Variants in AOAH observed in about 807,000 individuals in gnomAD.
AOAH encodes acyloxyacyl hydrolase (neutrophil).
Under a neutral mutation model 92.2 loss-of-function variants are expected in AOAH, and 64 were observed. The observed-to-expected ratio is 0.69, with a 90% CI of 0.57 to 0.86. The LOEUF is 0.86. AOAH is among the 40% of genes least tolerant of loss of function. The pLI, the probability that AOAH is intolerant of heterozygous loss-of-function variation, is 0.00. For missense variants in AOAH, 656 were observed against 694.6 expected, an observed-to-expected ratio of 0.94 and a Z score of 0.62; for synonymous variants, 263 against 254.5, an observed-to-expected ratio of 1.03 and a Z score of -0.32.
intron 11 of AOAH, among the ~76,000 whole-genome samples, chr7:36,596,322 T>C (rs1168501509): frequency 6.6e-6 from 1 of 152,242 alleles, no homozygotes; most frequent in Non-Finnish European, 1.5e-5. Flanking sequence ...AGATAGAGAA[T>C]GAGCACTCAA....
intron 20 of AOAH, 75 bp downstream of exon 20, chr7:36,521,964 A>G (rs1784126801): frequency 1.6e-6 from 2 of 1,242,986 alleles, no homozygotes; most frequent in Non-Finnish European, 2.4e-6. Context: ...AAATAAACAC[A>G]TGAATGTGTA....
chr7:36,671,649 TTGTG>T (rs34363257), intron 3 of AOAH, among the ~76,000 whole-genome samples: 6 of 149,388 alleles, frequency 4.0e-5, no homozygotes, highest in East Asian at 3.9e-4. Context: ...GTGCACGTGT[TTGTG>T]TGTGTGTGTG....
At chr7:36,652,395 G>A (rs1794631324) in intron 4 of AOAH, among the ~76,000 whole-genome samples, 1 of 152,210 alleles carries the variant, frequency 6.6e-6, no homozygotes, top group Non-Finnish European at 1.5e-5. Context: ...AATTAGGGAG[G>A]AGAGAGATGT....
intron 11 of AOAH, among the ~76,000 whole-genome samples, chr7:36,599,018 G>A (rs1437217709): frequency 6.6e-6 from 1 of 152,176 alleles, no homozygotes; most frequent in African/African-American, 2.4e-5. Flanking sequence ...AACTTAAAGA[G>A]CGTGAGCAAC....
At chr7:36,689,583 A>G (rs1273984387) in intron 1 of AOAH, among the ~76,000 whole-genome samples, 1 of 152,174 alleles carries the variant, frequency 6.6e-6, no homozygotes, top group Admixed American at 6.5e-5. Context: ...GAAGCTCACA[A>G]TGAACTTCCA....
At chr7:36,639,404 A>AAAT (rs1208797522) in intron 4 of AOAH, among the ~76,000 whole-genome samples, 1 of 152,190 alleles carries the variant, frequency 6.6e-6, no homozygotes, top group Non-Finnish European at 1.5e-5. Context: ...TCTGTCTCAG[A>AAAT]AATAGTCCTT....
At chr7:36,590,122 T>TA (rs953360147) in intron 12 of AOAH, among the ~76,000 whole-genome samples, 8 of 151,324 alleles carry the variant, frequency 5.3e-5, no homozygotes, top group East Asian at 1.9e-4. Flanking sequence ...CCAGGCTAAT[T>TA]AAAAAAAAAT....
intron 11 of AOAH, chr7:36,599,749 T>G (rs537922756): frequency 7.9e-5 from 12 of 152,240 alleles, no homozygotes; most frequent in African/African-American, 2.7e-4. Context: ...CTGCTTAGCG[T>G]TGGAACCATG....
At chr7:36,707,244 G>C (rs1275380751) in intron 1 of AOAH, among the ~76,000 whole-genome samples, 1 of 151,968 alleles carries the variant, frequency 6.6e-6, no homozygotes, top group African/African-American at 2.4e-5. Flanking sequence ...CAGGGAATAG[G>C]GAGGGCAATG....
chr7:36,643,032 A>T (rs1338539808), intron 4 of AOAH, among the ~76,000 whole-genome samples: 1 of 152,256 alleles, frequency 6.6e-6, no homozygotes, highest in Admixed American at 6.5e-5. Flanking sequence ...TAAGCATGAC[A>T]TTAGTATTAA....
At chr7:36,686,501 A>G (rs115008551) in intron 2 of AOAH, among the ~76,000 whole-genome samples, 198 bp downstream of exon 2, 1,819 of 152,146 alleles carry the variant, frequency 0.012, 43 homozygotes, top group African/African-American at 0.042. Context: ...CATGATGGAA[A>G]ATGAATGTCA....
intron 1 of AOAH, among the ~76,000 whole-genome samples, chr7:36,717,952 A>T (rs150859441): frequency 4.6e-5 from 7 of 152,108 alleles, no homozygotes; most frequent in Non-Finnish European, 2.9e-5. Context: ...AAAAAAATAG[A>T]TACACTGGAC....
In AOAH at chr7:36,549,446, T is replaced by C. The variant is rs771656372; in HGVS notation, c.1051A>G (p.Ile351Val). ...TTCTTATCTTCTGCTTACCTTTCTA[T>C]AAATTTCTTCAGGTTTCGGGAAGAT... ...GASSRNLKKFIESLSRNKVLD... is the reference protein window; with the variant it reads ...GASSRNLKKFVESLSRNKVLD... The change falls in exon 14 of 21, where the codon ATA (isoleucine) becomes GTA (valine). Residue 351 changes from isoleucine to valine, a missense_variant. Physicochemically the swap from Ile to Val is conservative, Grantham distance 29 (BLOSUM62 3). Transcript: ENST00000617537. 1.3e-6 allele frequency: 2 copies of C among 1,596,082 alleles called. No homozygotes were observed. The highest frequency in any genetic ancestry group is 1.3e-5 in the African/African-American group (1 of 74,480).
At chr7:36,574,786 G>GA (rs1455750871) in intron 13 of AOAH, among the ~76,000 whole-genome samples, 1 of 152,064 alleles carries the variant, frequency 6.6e-6, no homozygotes, top group Non-Finnish European at 1.5e-5. Flanking sequence ...AAATGAAAGC[G>GA]ATCACTCGTA....
chr7:36,537,671 A>C (rs901877595), intron 16 of AOAH, among the ~76,000 whole-genome samples: 2 of 152,078 alleles, frequency 1.3e-5, no homozygotes, highest in Non-Finnish European at 2.9e-5. Context: ...GGCACCTGCC[A>C]CCACGCCCAG....
intron 11 of AOAH, among the ~76,000 whole-genome samples, chr7:36,604,047 C>T (rs376294372): frequency 1.3e-5 from 2 of 152,284 alleles, no homozygotes; most frequent in Non-Finnish European, 1.5e-5. Context: ...TGGTGAAGGC[C>T]TCTGCTTCGT....
chr7:36,532,123 T>C (rs1187840436), intron 18 of AOAH, 24 bp downstream of exon 18: 18 of 1,613,586 alleles, frequency 1.1e-5, no homozygotes, highest in Non-Finnish European at 1.4e-5. Flanking sequence ...AAAGATGGTA[T>C]CAAAAGGCCT....
chr7:36,566,110 T>C (rs1787690684), intron 13 of AOAH, among the ~76,000 whole-genome samples: 1 of 151,240 alleles, frequency 6.6e-6, no homozygotes, highest in Admixed American at 6.6e-5. Context: ...TTTTTTTTTT[T>C]GGTAAAATGT....
chr7:36,680,232 G>C (rs556555926), intron 2 of AOAH, among the ~76,000 whole-genome samples: 1 of 152,244 alleles, frequency 6.6e-6, no homozygotes, highest in South Asian at 2.1e-4. Context: ...TTCCTAATGA[G>C]AGCCAGAGGC....
Sources: gnomAD v4.1 joint callset for allele counts (sites outside exome capture counted in the v4.1 genomes callset) on GRCh38, gnomAD v4.1.1 for gene constraint, MANE v1.5 for transcripts, NCBI Gene and HGNC (gene_info 2026-07-23, HGNC 2026-07-21) for gene names.